Variants in NSF observed in about 807,000 individuals in gnomAD.
The protein encoded by NSF is N-ethylmaleimide sensitive factor, vesicle fusing ATPase, also known as vesicle-fusing ATPase.
A neutral mutation model predicts 50.3 loss-of-function variants in NSF; 14 were observed. The observed-to-expected ratio is 0.28, with a 90% confidence interval of 0.18 to 0.44. The LOEUF (loss-of-function observed/expected upper bound fraction) is 0.44. NSF is among the 20% of genes least tolerant of loss of function. The pLI, the probability that NSF is intolerant of heterozygous loss-of-function variation, is 1.00. For missense variants in NSF, 218 were observed against 504.3 expected (o/e 0.43, Z 5.44); for synonymous variants, 109 against 175.7 (o/e 0.62, Z 3.00).
At chr17:46,754,697 C>G (rs917464852) in intron 19 of NSF, among the ~76,000 whole-genome samples, 22 of 152,204 alleles carry the variant, frequency 1.4e-4, no homozygotes, top group African/African-American at 4.6e-4. Flanking sequence ...GTTGCGCCAT[C>G]TTTTCTTAGA....
chr17:46,609,886 C>T (rs1480030242), intron 1 of NSF, among the ~76,000 whole-genome samples: 4 of 140,026 alleles, frequency 2.9e-5, no homozygotes, highest in East Asian at 1.9e-4. Context: ...AATGCAGTGG[C>T]GTGATCAGGG....
chr17:46,721,912 T>G, intron 15 of NSF: 2 of 1,593,954 alleles, frequency 1.3e-6, no homozygotes, highest in Non-Finnish European at 1.7e-6. Context: ...CACTGAACTT[T>G]TTCTCCAATT....
At chr17:46,716,800 A>C (rs939798102) in intron 15 of NSF, among the ~76,000 whole-genome samples, 13 of 152,228 alleles carry the variant, frequency 8.5e-5, no homozygotes, top group African/African-American at 2.9e-4. Flanking sequence ...ACATGTGTAC[A>C]CATGAACACA....
At chr17:46,742,105 T>C (rs532153074) in intron 17 of NSF, among the ~76,000 whole-genome samples, 77 of 152,354 alleles carry the variant, frequency 5.1e-4, no homozygotes, top group African/African-American at 1.8e-3. Context: ...ATGAATCTTA[T>C]CTTTCCTCTG....
chr17:46,679,918 A>G (rs2058438202), intron 9 of NSF, among the ~76,000 whole-genome samples: 1 of 148,104 alleles, frequency 6.8e-6, no homozygotes, highest in Admixed American at 6.7e-5. Context: ...AGCAGAAATC[A>G]GAATGTAAAG....
intron 13 of NSF, among the ~76,000 whole-genome samples, chr17:46,708,826 T>G (rs12952234): frequency 0.023 from 1,500 of 66,282 alleles, 36 homozygotes; most frequent in African/African-American, 0.078. Flanking sequence ...ATATATATTT[T>G]TTTTTTTTTT....
intron 15 of NSF, among the ~76,000 whole-genome samples, chr17:46,725,430 C>T (rs547428019): frequency 6.6e-6 from 1 of 152,046 alleles, no homozygotes; most frequent in African/African-American, 2.4e-5. Context: ...AGGGGTTGAC[C>T]TGATTAAATA....
At chr17:46,657,984 T>TTTG in intron 8 of NSF, among the ~76,000 whole-genome samples, 1 of 64,940 alleles carries the variant, frequency 1.5e-5, no homozygotes, top group South Asian at 8.4e-4. Context: ...TTTTTTTTTT[T>TTTG]GGCGGGGTGG....
rs766662346 is a variant in NSF, at chr17:46,711,052, T to C, written c.1560T>C (p.Asp520=). Residue 520 remains aspartate, a synonymous_variant, in exon 14 of 21, where the codon GAT becomes GAC. Coordinates refer to ENST00000398238, the MANE Select transcript of NSF (RefSeq NM_006178.4). The part of the protein sequence containing the change: ...WGDPVTRVLD[D]GELLVQQTKN... ...ACCCAGTTACTCGAGTTCTAGATGATGGGGAGCTGCTGGTGCAGCAGACTA... is the reference window on the plus strand; with the variant it reads ...ACCCAGTTACTCGAGTTCTAGATGACGGGGAGCTGCTGGTGCAGCAGACTA... The C allele has an allele frequency of 2.5e-6, 4 of 1,589,522 alleles. No individual in the cohort carries two copies. The South Asian group carries it at 3.5e-5, about 14-fold the overall frequency.
intron 17 of NSF, among the ~76,000 whole-genome samples, 197 bp from the exon 18 acceptor site, chr17:46,749,576 G>A (rs906561373): frequency 1.3e-5 from 2 of 152,148 alleles, no homozygotes; most frequent in African/African-American, 2.4e-5. Context: ...TTCACATGTT[G>A]CCACTTTCTG....
intron 13 of NSF, among the ~76,000 whole-genome samples, chr17:46,710,295 C>G (rs776928509): frequency 7.9e-5 from 12 of 152,040 alleles, no homozygotes; most frequent in Non-Finnish European, 1.2e-4. Flanking sequence ...GGAGGTATAA[C>G]CTTTGAGATT....
intron 15 of NSF, chr17:46,722,162 G>A: frequency 6.2e-7 from 1 of 1,611,658 alleles, no homozygotes; most frequent in Admixed American, 1.7e-5. Context: ...CGCTCGAACT[G>A]AACATGGCTT....
chr17:46,610,998 C>CA (rs1264751234), intron 1 of NSF, among the ~76,000 whole-genome samples: 4 of 110,874 alleles, frequency 3.6e-5, no homozygotes, highest in Non-Finnish European at 4.8e-5. Flanking sequence ...CAGAATTTAC[C>CA]AAAAAAAATT....
chr17:46,731,319 C>T (rs2058946725), intron 17 of NSF, among the ~76,000 whole-genome samples: 1 of 151,928 alleles, frequency 6.6e-6, no homozygotes. Context: ...TTTGGGATGG[C>T]CTAGGGCTGG....
intron 17 of NSF, among the ~76,000 whole-genome samples, chr17:46,742,455 C>G (rs947718390): frequency 2.6e-5 from 4 of 152,154 alleles, no homozygotes; most frequent in Non-Finnish European, 5.9e-5. Flanking sequence ...ATCAGTAAAG[C>G]CAAACCGACT....
intron 17 of NSF, among the ~76,000 whole-genome samples, chr17:46,739,272 G>A (rs1159660057): frequency 6.6e-6 from 1 of 150,946 alleles, no homozygotes; most frequent in Non-Finnish European, 1.5e-5. Flanking sequence ...TCAGGAGGCT[G>A]AGGCAGGAGA....
At chr17:46,657,597 T>TGG (rs1277755914) in intron 8 of NSF, among the ~76,000 whole-genome samples, 11 of 126,976 alleles carry the variant, frequency 8.7e-5, no homozygotes, top group Admixed American at 1.6e-4. Context: ...TGCTCATTCT[T>TGG]CAAGTTTCAG....
Position 46,713,940 on chromosome 17 carries a change from A to C in NSF, c.1715A>C (p.Lys572Thr). The stretch of plus-strand genomic sequence containing the variant: ...TTCATCAAGATCTGTTCTCCTGATA[A>C]AATGATTGGCTTTTCTGAAACAGCC... ...FPFIKICSPD[K>T]MIGFSETAKC... The change falls in exon 15 of 21, where the codon AAA becomes ACA. Residue 572 changes from lysine to threonine, a missense_variant. By Grantham distance (78) the Lys-to-Thr change is moderately conservative. Around this residue, in one of 2 missense-constraint regions of NSF, gnomAD observed 209 missense variants for 320.9 expected, o/e 0.65. Coordinates refer to ENST00000398238, the MANE Select transcript of NSF (RefSeq NM_006178.4). The C allele has an allele frequency of 6.2e-7, 1 of 1,608,456 alleles. No individual in the cohort carries two copies. The highest frequency in any genetic ancestry group is 1.7e-5 in the Admixed American group (1 of 58,192).
intron 18 of NSF, among the ~76,000 whole-genome samples, chr17:46,750,394 A>AT (rs933346320): frequency 1.3e-5 from 2 of 152,066 alleles, no homozygotes; most frequent in African/African-American, 4.8e-5. Context: ...CAGATTTCAG[A>AT]TTTTTTCAGA....
Sources: allele counts gnomAD v4.1 joint callset (sites outside exome capture counted in the v4.1 genomes callset), GRCh38; gene constraint gnomAD v4.1.1; regional missense constraint gnomAD v4.1.1; transcripts MANE v1.5; gene names NCBI Gene and HGNC (gene_info 2026-07-23, HGNC 2026-07-21).